The following MINDY3 variants were observed in gnomAD, a reference collection of about 807,000 sequenced individuals.
MINDY3 encodes the protein MINDY lysine 48 deubiquitinase 3.
Under a neutral mutation model 69.2 loss-of-function variants are expected in MINDY3, and 38 were observed. That is an observed-to-expected ratio of 0.55 (90% CI 0.42 to 0.72). The LOEUF (loss-of-function observed/expected upper bound fraction) is 0.72, where lower values mean the gene tolerates loss of function less well. Ranked by LOEUF, MINDY3 falls within the 30% of genes least tolerant of loss-of-function variation. The pLI is 0.00. For synonymous variants in MINDY3, 192 were observed against 180.1 expected (o/e 1.07, Z -0.53); for missense variants, 522 against 519.0 (o/e 1.01, Z -0.06).
At chr10:15,828,219 G>A (rs925790747) in intron 8 of MINDY3, among the ~76,000 whole-genome samples, 3 of 152,200 alleles carry the variant, frequency 2.0e-5, no homozygotes, top group African/African-American at 7.2e-5. Flanking sequence ...GTATATTTGT[G>A]CAATGGTATG....
intron 2 of MINDY3, among the ~76,000 whole-genome samples, chr10:15,845,155 G>A (rs1198358029): frequency 6.6e-6 from 1 of 152,058 alleles, no homozygotes; most frequent in East Asian, 1.9e-4. Flanking sequence ...TTTGATATAT[G>A]GTACAAAATT....
At chr10:15,856,886 A>G (rs1375990197) in intron 1 of MINDY3, among the ~76,000 whole-genome samples, 1 of 152,166 alleles carries the variant, frequency 6.6e-6, no homozygotes, top group Non-Finnish European at 1.5e-5. Flanking sequence ...ACTCTGGTCC[A>G]AGATAGCATC....
intron 10 of MINDY3, among the ~76,000 whole-genome samples, chr10:15,815,554 A>G (rs769775963): frequency 6.6e-6 from 1 of 152,188 alleles, no homozygotes; most frequent in African/African-American, 2.4e-5. Context: ...AGCACATCAC[A>G]ATGAAGAAAC....
intron 12 of MINDY3, chr10:15,788,884 C>T (rs1837191351): frequency 6.4e-6 from 1 of 156,712 alleles, no homozygotes; most frequent in South Asian, 2.0e-4. Context: ...GTTATTTAAG[C>T]AGGGCAACTA....
At chr10:15,820,427 G>A (rs1177548311) in intron 9 of MINDY3, among the ~76,000 whole-genome samples, 1 of 152,124 alleles carries the variant, frequency 6.6e-6, no homozygotes, top group Admixed American at 6.5e-5. Context: ...ACAAGACGCA[G>A]GCATGCGTGC....
intron 10 of MINDY3, among the ~76,000 whole-genome samples, chr10:15,800,820 C>T (rs569583988): frequency 1.7e-4 from 26 of 152,212 alleles, no homozygotes; most frequent in African/African-American, 5.5e-4. Flanking sequence ...ACAAACCTTC[C>T]GCTTTTTGCA....
At chr10:15,814,013 A>G (rs986795340) in intron 10 of MINDY3, among the ~76,000 whole-genome samples, 1 of 151,776 alleles carries the variant, frequency 6.6e-6, no homozygotes, top group Non-Finnish European at 1.5e-5. Flanking sequence ...AAAAAGAAAA[A>G]CCCACAGCCA....
rs558538389 is a variant in MINDY3 at position 15,852,866 on chromosome 10, C to T, written c.95-4923G>A. On this transcript the variant is annotated intron_variant, in intron 1 of 14. Coordinates refer to ENST00000277632, the MANE Select transcript of MINDY3 (RefSeq NM_024948.4). ...GGTGGGAAAAAAACGATGGTTGGGT[C>T]TGTACTAAACATGTACAGACTTTCT... is the stretch of plus-strand genomic sequence containing the variant. Among the ~76,000 whole-genome samples the T allele has an allele frequency of 1.1e-3, 165 of 152,226 alleles. 1 individual carries two copies. Among genetic ancestry groups the T allele is most frequent in the African/African-American group, 3.8e-3 (156 of 41,536 alleles).
intron 3 of MINDY3, 72 bp from the exon 4 acceptor site, chr10:15,841,671 A>G: frequency 1.1e-6 from 1 of 911,108 alleles, no homozygotes; most frequent in African/African-American, 1.7e-5. Context: ...GAATAACAAT[A>G]GTAAGAATGG....
intron 6 of MINDY3, 33 bp downstream of exon 6, chr10:15,837,171 T>G: frequency 7.8e-7 from 1 of 1,287,770 alleles, no homozygotes; most frequent in Admixed American, 2.0e-5. Flanking sequence ...ACAACATTAA[T>G]CAAAGGCAGA....
intron 9 of MINDY3, 85 bp from the exon 10 acceptor site, chr10:15,817,000 A>T: frequency 4.1e-6 from 4 of 981,678 alleles, no homozygotes; most frequent in Non-Finnish European, 6.4e-6. Context: ...TCTGAAGCAT[A>T]AAGTGTCCAA....
At chr10:15,830,297 T>TG (rs1564506370) in intron 8 of MINDY3, among the ~76,000 whole-genome samples, 2 of 152,202 alleles carry the variant, frequency 1.3e-5, no homozygotes, top group Non-Finnish European at 1.5e-5. Context: ...AAACATGTAT[T>TG]GAACAGTGCT....
chr10:15,806,259 T>C (rs1008119608), intron 10 of MINDY3, among the ~76,000 whole-genome samples: 1 of 152,172 alleles, frequency 6.6e-6, no homozygotes, highest in Non-Finnish European at 1.5e-5. Context: ...TCTTCCCTCA[T>C]GCTATCCAGT....
At chr10:15,784,171 A>G (rs1836772049) in intron 13 of MINDY3, among the ~76,000 whole-genome samples, 1 of 152,206 alleles carries the variant, frequency 6.6e-6, no homozygotes. Context: ...AAAATGGGGA[A>G]GATAATAGTA....
chr10:15,846,329 C>G (rs1169792482), intron 2 of MINDY3, among the ~76,000 whole-genome samples: 1 of 152,054 alleles, frequency 6.6e-6, no homozygotes, highest in Non-Finnish European at 1.5e-5. Context: ...TATTACTGAC[C>G]AAGAGGGGCA....
intron 11 of MINDY3, among the ~76,000 whole-genome samples, chr10:15,791,474 TAG>T (rs1378476733): frequency 6.6e-6 from 1 of 151,590 alleles, no homozygotes; most frequent in Admixed American, 6.6e-5. Flanking sequence ...AAGAAAAAAA[TAG>T]AACTTGCATA....
chr10:15,856,514 G>A (rs1834702421), intron 1 of MINDY3, among the ~76,000 whole-genome samples: 1 of 151,944 alleles, frequency 6.6e-6, no homozygotes, highest in Non-Finnish European at 1.5e-5. Flanking sequence ...CTGGAAGAAG[G>A]AAAATAATTG....
At chr10:15,858,587 T>G (rs1388409065) in intron 1 of MINDY3, among the ~76,000 whole-genome samples, 4 of 152,238 alleles carry the variant, frequency 2.6e-5, no homozygotes, top group Non-Finnish European at 5.9e-5. Flanking sequence ...CTATTATCTG[T>G]ACTTTACAGA....
rs138171275 is a variant in MINDY3 at position 15,820,832 on chromosome 10, C to T, written c.801+824G>A. On this transcript the variant is annotated intron_variant, in intron 9 of 14. Coordinates refer to ENST00000277632, the MANE Select transcript of MINDY3 (RefSeq NM_024948.4). ...TAAAATAGAAAAGGAAGGTCAGGTGCCTTAGGCTCATGCCTGTAATCCCAG... is the reference window on the plus strand; with the variant it reads ...TAAAATAGAAAAGGAAGGTCAGGTGTCTTAGGCTCATGCCTGTAATCCCAG... Among the ~76,000 whole-genome samples, 20 of 152,268 alleles carry T rather than the reference C, an allele frequency of 1.3e-4. 1 individual carries two copies. In the East Asian group the frequency reaches 3.7e-3, roughly 28 times the overall value.
Sources: allele counts gnomAD v4.1 joint callset (sites outside exome capture counted in the v4.1 genomes callset), GRCh38; gene constraint gnomAD v4.1.1; transcripts MANE v1.5; gene names NCBI Gene and HGNC (gene_info 2026-07-23, HGNC 2026-07-21).